Variants in GRID2 observed in about 807,000 individuals in gnomAD.
GRID2 encodes glutamate receptor ionotropic, delta-2.
A neutral mutation model predicts 114.8 loss-of-function variants in GRID2; 33 were observed. That is an observed-to-expected ratio of 0.29 (90% CI 0.22 to 0.38). The LOEUF (loss-of-function observed/expected upper bound fraction) is 0.38. GRID2 is among the 10% of genes least tolerant of loss of function. The pLI, the probability that GRID2 is intolerant of heterozygous loss-of-function variation, is 1.00. For synonymous variants in GRID2, 505 were observed against 449.9 expected (o/e 1.12, Z -1.55); for missense variants, 1,184 against 1,257.7 (o/e 0.94, Z 0.89).
intron 11 of GRID2, among the ~76,000 whole-genome samples, chr4:93,459,843 C>A (rs1021708684): frequency 1.3e-5 from 2 of 152,168 alleles, no homozygotes; most frequent in African/African-American, 4.8e-5. Flanking sequence ...TCCAGCTGAT[C>A]CACCACCAAC....
intron 14 of GRID2, among the ~76,000 whole-genome samples, chr4:93,665,647 C>G (rs919511678): frequency 1.3e-5 from 2 of 152,150 alleles, no homozygotes; most frequent in Admixed American, 6.5e-5. Flanking sequence ...TTTGACTGCT[C>G]TAAATGCTAT....
chr4:93,650,752 G>A (rs1257314518), intron 14 of GRID2, among the ~76,000 whole-genome samples: 2 of 152,054 alleles, frequency 1.3e-5, no homozygotes, highest in Admixed American at 6.6e-5. Flanking sequence ...GTAGAAAAAT[G>A]TAAAAAATAA....
At chr4:93,280,076 G>A (rs1337665213) in intron 8 of GRID2, among the ~76,000 whole-genome samples, 3 of 151,834 alleles carry the variant, frequency 2.0e-5, no homozygotes, top group African/African-American at 7.3e-5. Context: ...GTGAGTGCTA[G>A]GTTTAAGACT....
At chr4:92,906,924 G>T (rs1459773198) in intron 2 of GRID2, among the ~76,000 whole-genome samples, 1 of 152,168 alleles carries the variant, frequency 6.6e-6, no homozygotes, top group African/African-American at 2.4e-5. Context: ...AGCTTGTTAG[G>T]AGTGCAGAAT....
intron 14 of GRID2, among the ~76,000 whole-genome samples, chr4:93,647,031 AAAC>A (rs751937561): frequency 3.9e-5 from 6 of 152,136 alleles, no homozygotes; most frequent in African/African-American, 7.2e-5. Flanking sequence ...ATTCAGGAGA[AAAC>A]AAAATAAATA....
In GRID2 at chr4:92,696,762, T is replaced by A. The variant is rs142027319; in HGVS notation, c.244+106476T>A. Among the ~76,000 whole-genome samples the A allele has an allele frequency of 8.7e-3, 1,322 of 152,194 alleles. 16 individuals are homozygous for A. Among genetic ancestry groups the A allele is most frequent in the South Asian group, 0.038 (183 of 4,828 alleles). On this transcript the variant is annotated intron_variant, in intron 2 of 15. Coordinates refer to ENST00000282020, the MANE Select transcript of GRID2 (RefSeq NM_001510.4). ...AATATTTCCAAAATTAAGTAAGAGTTTAGACCTGTAATTGAAAGAGACATT... is the reference window on the plus strand; with the variant it reads ...AATATTTCCAAAATTAAGTAAGAGTATAGACCTGTAATTGAAAGAGACATT...
chr4:93,260,393 A>G (rs894146562), intron 8 of GRID2, among the ~76,000 whole-genome samples: 8 of 69,474 alleles, frequency 1.2e-4, no homozygotes, highest in Admixed American at 5.7e-4. Context: ...ACCCTGTAGT[A>G]AATATAAAAA....
chr4:93,637,797 T>G (rs1441202321), intron 14 of GRID2, among the ~76,000 whole-genome samples: 1 of 152,178 alleles, frequency 6.6e-6, no homozygotes, highest in African/African-American at 2.4e-5. Context: ...AAAACTTTAA[T>G]TCTTCCTTCA....
intron 2 of GRID2, among the ~76,000 whole-genome samples, chr4:92,635,515 G>A (rs1443242984): frequency 1.3e-5 from 2 of 151,828 alleles, no homozygotes; most frequent in Non-Finnish European, 2.9e-5. Flanking sequence ...AATATTTGAA[G>A]TTTGGGGTTT....
intron 2 of GRID2, among the ~76,000 whole-genome samples, chr4:92,704,215 T>C (rs961211597): frequency 2.0e-5 from 3 of 152,104 alleles, no homozygotes; most frequent in Non-Finnish European, 2.9e-5. Flanking sequence ...GAGGCGGAGC[T>C]TGCAGTGAGC....
At chr4:93,797,176 G>C (rs752690823) in intron 1 of GRID2, among the ~76,000 whole-genome samples, 1 of 152,040 alleles carries the variant, frequency 6.6e-6, no homozygotes, top group Admixed American at 6.5e-5. Context: ...TTGTATATGC[G>C]GTCCATCATT....
chr4:92,740,757 CAGAT>C lies in GRID2; in HGVS notation c.244+150483_244+150486del, dbSNP rs201044905. 2.2e-3 allele frequency among the ~76,000 whole-genome samples: 307 copies of C among 139,052 alleles called. 1 individual carries two copies. The highest frequency in any genetic ancestry group is 3.8e-3 in the Non-Finnish European group (230 of 60,410). The allele number at this position is 139,052 out of a possible 152,430, so 91.2% of individuals were successfully genotyped here. A position where few individuals can be genotyped will look rare whatever the true frequency, so the allele number is the denominator to read the frequency against. On this transcript the variant is annotated intron_variant, in intron 2 of 15. Transcript: ENST00000282020. ...ATAGATAGATGGATAGATAGATAGA[CAGAT>C]AGATAGATAGAGTTTCACTCTGTCA...
chr4:93,301,073 G>GT (rs1192852597), intron 8 of GRID2, among the ~76,000 whole-genome samples: 1 of 152,154 alleles, frequency 6.6e-6, no homozygotes, highest in Non-Finnish European at 1.5e-5. Flanking sequence ...CTGCCTTGTT[G>GT]TTTTTTCTTA....
chr4:93,567,155 A>C (rs538192363), intron 13 of GRID2, among the ~76,000 whole-genome samples: 1 of 152,232 alleles, frequency 6.6e-6, no homozygotes, highest in Admixed American at 6.5e-5. Context: ...TTTAAAAGCA[A>C]TGATGGTTTA....
intron 1 of GRID2, among the ~76,000 whole-genome samples, chr4:92,539,574 T>C (rs1725825131): frequency 6.6e-6 from 1 of 152,142 alleles, no homozygotes. Flanking sequence ...ATTATTTACA[T>C]TACAGATAGA....
intron 8 of GRID2, among the ~76,000 whole-genome samples, chr4:93,320,054 G>A (rs552941831): frequency 6.6e-6 from 1 of 152,162 alleles, no homozygotes; most frequent in African/African-American, 2.4e-5. Context: ...CTATCTATAA[G>A]GAGGTGCCTT....
intron 11 of GRID2, among the ~76,000 whole-genome samples, chr4:93,488,037 A>T (rs1026761749): frequency 2.4e-4 from 37 of 151,970 alleles, no homozygotes; most frequent in Non-Finnish European, 4.7e-4. Context: ...GTATGCTTTT[A>T]TGTGGGTGAT....
At chr4:93,617,704 G>A (rs1741820093) in intron 13 of GRID2, among the ~76,000 whole-genome samples, 1 of 152,094 alleles carries the variant, frequency 6.6e-6, no homozygotes, top group Admixed American at 6.6e-5. Context: ...TTGGTATCGA[G>A]ATGATACCAA....
chr4:92,764,766 G>A (rs527603407), intron 2 of GRID2, among the ~76,000 whole-genome samples: 216 of 152,218 alleles, frequency 1.4e-3, no homozygotes, highest in Non-Finnish European at 2.3e-3. Context: ...CACAATGCCT[G>A]ATGCATAGCT....
Sources: allele counts gnomAD v4.1 joint callset (sites outside exome capture counted in the v4.1 genomes callset), GRCh38; gene constraint gnomAD v4.1.1; transcripts MANE v1.5; gene names NCBI Gene and HGNC (gene_info 2026-07-23, HGNC 2026-07-21).